The following HBS1L variants were observed in gnomAD, a reference collection of about 807,000 sequenced individuals.
The protein encoded by HBS1L is HBS1-like protein.
HBS1L carries 55 observed loss-of-function variants against 88.9 expected under a neutral mutation model. That is an observed-to-expected ratio of 0.62 (90% confidence interval 0.50 to 0.77). The LOEUF (loss-of-function observed/expected upper bound fraction) is 0.77. Ranked by LOEUF, HBS1L falls within the 30% of genes least tolerant of loss-of-function variation. The pLI, the probability that HBS1L is intolerant of heterozygous loss-of-function variation, is 0.00. For synonymous variants in HBS1L, 267 were observed against 288.5 expected (o/e 0.93, Z 0.76); for missense variants, 741 against 829.3 (o/e 0.89, Z 1.31).
intron 15 of HBS1L, among the ~76,000 whole-genome samples, chr6:134,974,497 G>A (rs1361863069): frequency 1.3e-5 from 2 of 152,072 alleles, no homozygotes; most frequent in Non-Finnish European, 2.9e-5. Context: ...AAACACAGAT[G>A]CAAAAATCCC....
At chr6:134,966,062 A>T (rs1459212134) in intron 17 of HBS1L, among the ~76,000 whole-genome samples, 5 of 152,148 alleles carry the variant, frequency 3.3e-5, no homozygotes, top group African/African-American at 1.2e-4. Context: ...TTTCTCCAGC[A>T]ATTAGAATTT....
chr6:135,048,154 C>T (rs529526711), intron 2 of HBS1L, among the ~76,000 whole-genome samples: 2 of 152,274 alleles, frequency 1.3e-5, no homozygotes, highest in South Asian at 2.1e-4. Flanking sequence ...AAAGGGACAC[C>T]GGAAAGCCAG....
At chr6:135,027,187 C>CAAAAAAAAAAAAAAAAAAAAA (rs71006749) in intron 4 of HBS1L, 17 of 56,268 alleles carry the variant, frequency 3.0e-4, no homozygotes, top group Admixed American at 8.4e-4. Flanking sequence ...GACTCTATCT[C>CAAAAAAAAAAAAAAAAAAAAA]AAAAAAAAAA....
rs33946758 is a variant in HBS1L at position 135,000,222 on chromosome 6, A to ATTTTTTTTTTTT, written c.539+2500_539+2511dup. Among the ~76,000 whole-genome samples the ATTTTTTTTTTTT allele has an allele frequency of 3.5e-3, 459 of 129,330 alleles. 24 individuals carry two copies. Among genetic ancestry groups the ATTTTTTTTTTTT allele is most frequent in the African/African-American group, 0.015 (434 of 28,840 alleles). 84.8% of individuals were successfully genotyped at this position (129,330 alleles called of 152,430 possible). ...AGGCAAGCACCACTATACCCAGCTA[A>ATTTTTTTTTTTT]TTTTTTTTTTTTTTTGGTAGAGATG... On this transcript the variant is annotated intron_variant, in intron 5 of 17. Transcript: ENST00000367837.
intron 11 of HBS1L, 30 bp downstream of exon 11, chr6:134,986,036 G>A (rs1200295744): frequency 1.2e-6 from 1 of 868,628 alleles, no homozygotes; most frequent in South Asian, 1.4e-5. Flanking sequence ...AGTTTATAAT[G>A]CATTAAAGCT....
chr6:134,972,373 T>C (rs1166791254), intron 15 of HBS1L, among the ~76,000 whole-genome samples: 2 of 152,194 alleles, frequency 1.3e-5, no homozygotes, highest in Non-Finnish European at 2.9e-5. Flanking sequence ...TTTCAACTCA[T>C]CGTGCTGGGA....
chr6:135,009,726 T>C (rs1399075811), intron 4 of HBS1L, among the ~76,000 whole-genome samples: 3 of 151,920 alleles, frequency 2.0e-5, no homozygotes, highest in African/African-American at 4.8e-5. Context: ...CTCCGCCTCC[T>C]GGGTTCACGC....
At chr6:135,046,359 C>CAA (rs36068571) in intron 2 of HBS1L, among the ~76,000 whole-genome samples, 8 of 141,884 alleles carry the variant, frequency 5.6e-5, no homozygotes, top group African/African-American at 1.0e-4. Context: ...GTTTTTCTTA[C>CAA]AAAAAAAAAA....
At chr6:134,998,897 C>T (rs1775366338) in intron 5 of HBS1L, among the ~76,000 whole-genome samples, 1 of 152,178 alleles carries the variant, frequency 6.6e-6, no homozygotes, top group South Asian at 2.1e-4. Context: ...TCATCTTAAA[C>T]TAGTAGGTAA....
chr6:135,044,970 C>T (rs1352611421), intron 2 of HBS1L, among the ~76,000 whole-genome samples: 3 of 152,016 alleles, frequency 2.0e-5, no homozygotes, highest in African/African-American at 4.8e-5. Flanking sequence ...TGGTCCTATA[C>T]GACCACACAC....
rs554390954 is a variant in HBS1L, at chr6:135,002,927, T to C, written c.431-85A>G. 7.7e-5 allele frequency: 59 copies of C among 764,700 alleles called. No individual in the cohort carries two copies. The African/African-American group carries it at 9.0e-4, about 12-fold the overall frequency. 47.4% of individuals were successfully genotyped at this position (764,700 alleles called of 1,614,324 possible). The stretch of plus-strand genomic sequence containing the variant: ...ATTACATAGTATTTTAAATTATAGA[T>C]TATGATAACTTTCACAGAATTAATG... On this transcript the variant is annotated intron_variant, in intron 4 of 17. Transcript: ENST00000367837.
intron 4 of HBS1L, among the ~76,000 whole-genome samples, chr6:135,015,948 G>A (rs1183570854): frequency 6.9e-6 from 1 of 144,686 alleles, no homozygotes; most frequent in Admixed American, 7.1e-5. Flanking sequence ...GCAGTGGCAT[G>A]ATCTCAGCTC....
rs764524233 is a variant in HBS1L, at chr6:134,966,400, CTT to C, written c.1970_1971del (p.Lys657ArgfsTer3). 2 of 1,612,736 alleles carry C rather than the reference CTT, an allele frequency of 1.2e-6. No individual in the cohort carries two copies. Among genetic ancestry groups the C allele is most frequent in the Admixed American group, 3.3e-5 (2 of 59,984 alleles). On this transcript the variant is annotated frameshift_variant, in exon 17 of 18. Transcript: ENST00000367837. LOFTEE classifies it high-confidence loss of function. ...TQRPIALELY[K>X]DFKELGRFML... Reference sequence around the variant, plus strand: ...ATGAACCTCCCCAGCTCTTTAAAGTCTTTATATAGCTCAAGAGCTATTGGTCT... The same window carrying C: ...ATGAACCTCCCCAGCTCTTTAAAGTCTATATAGCTCAAGAGCTATTGGTCT...
intron 15 of HBS1L, among the ~76,000 whole-genome samples, chr6:134,973,804 C>G (rs1774562810): frequency 6.6e-6 from 1 of 151,134 alleles, no homozygotes; most frequent in African/African-American, 2.4e-5. Context: ...CCACTGCACT[C>G]TAGCCTGGAT....
At chr6:135,043,901 T>G (rs1776830650) in intron 2 of HBS1L, among the ~76,000 whole-genome samples, 1 of 152,220 alleles carries the variant, frequency 6.6e-6, no homozygotes. Flanking sequence ...GAAATTTGTC[T>G]CCCAAAACTT....
intron 15 of HBS1L, among the ~76,000 whole-genome samples, chr6:134,973,971 A>G (rs970653044): frequency 6.6e-6 from 1 of 152,072 alleles, no homozygotes; most frequent in Admixed American, 6.6e-5. Context: ...AATCAAATAT[A>G]AATTCACTTA....
intron 4 of HBS1L, among the ~76,000 whole-genome samples, chr6:135,022,057 G>A (rs1377956112): frequency 1.3e-5 from 2 of 151,988 alleles, no homozygotes; most frequent in East Asian, 1.9e-4. Flanking sequence ...TCTAAAACTC[G>A]AGGGGAAAGT....
intron 15 of HBS1L, among the ~76,000 whole-genome samples, chr6:134,970,918 A>G (rs1774463504): frequency 1.3e-5 from 2 of 152,212 alleles, no homozygotes; most frequent in Non-Finnish European, 2.9e-5. Context: ...TGCCCAGGAC[A>G]TATCAGAGCT....
chr6:135,005,224 A>G (rs1006046560), intron 4 of HBS1L, among the ~76,000 whole-genome samples: 2 of 152,268 alleles, frequency 1.3e-5, no homozygotes, highest in African/African-American at 4.8e-5. Flanking sequence ...AGGCATGTTC[A>G]CTACCTCTCA....
Sources: allele counts gnomAD v4.1 joint callset (sites outside exome capture counted in the v4.1 genomes callset), GRCh38; gene constraint gnomAD v4.1.1; transcripts MANE v1.5; gene names NCBI Gene and HGNC (gene_info 2026-07-23, HGNC 2026-07-21).